Variants in FAM120A observed in about 807,000 individuals in gnomAD.
FAM120A encodes the protein family with sequence similarity 120 member A.
Under a neutral mutation model 109.7 loss-of-function variants are expected in FAM120A, and 15 were observed. That is an observed-to-expected ratio of 0.14 (90% confidence interval 0.09 to 0.21). The LOEUF is 0.21. Ranked by LOEUF, FAM120A falls within the 10% of genes least tolerant of loss-of-function variation. The pLI is 1.00. For synonymous variants in FAM120A, 493 were observed against 572.8 expected (o/e 0.86, Z 1.99); for missense variants, 899 against 1,439.3 (o/e 0.62, Z 6.07).
At chr9:93,505,943 T>C (rs1348091590) in intron 5 of FAM120A, among the ~76,000 whole-genome samples, 2 of 152,242 alleles carry the variant, frequency 1.3e-5, no homozygotes, top group African/African-American at 4.8e-5. Context: ...GTGGAGAACC[T>C]GTTGCCTTAG....
chr9:93,482,183 C>CTTTT (rs1858842770), intron 3 of FAM120A, among the ~76,000 whole-genome samples: 1 of 116,908 alleles, frequency 8.6e-6, no homozygotes. Context: ...GATTCACCTC[C>CTTTT]ATTTTTTTTT....
chr9:93,529,931 A>T (rs1412892440), intron 9 of FAM120A: 1 of 502,570 alleles, frequency 2.0e-6, no homozygotes, highest in Non-Finnish European at 3.5e-6. Context: ...GTCAGGTTTA[A>T]TTCTGATGTC....
At chr9:93,481,778 C>T (rs1046042718) in intron 3 of FAM120A, among the ~76,000 whole-genome samples, 3 of 152,154 alleles carry the variant, frequency 2.0e-5, no homozygotes, top group African/African-American at 7.2e-5. Flanking sequence ...ACTGCAGTTC[C>T]CAGTCTTTTT....
At chr9:93,466,972 A>G (rs1858052554) in intron 1 of FAM120A, among the ~76,000 whole-genome samples, 1 of 152,164 alleles carries the variant, frequency 6.6e-6, no homozygotes, top group Admixed American at 6.5e-5. Flanking sequence ...GTACTCAGGC[A>G]GTTCCTTTTC....
chr9:93,538,948 G>T (rs1233887566), intron 10 of FAM120A, among the ~76,000 whole-genome samples: 1 of 151,728 alleles, frequency 6.6e-6, no homozygotes, highest in East Asian at 1.9e-4. Context: ...GGTGCTTTCT[G>T]TAAGGAAAAT....
chr9:93,543,304 C>T lies in FAM120A; in HGVS notation c.1992C>T (p.Phe664=), dbSNP rs1251421886. The T allele has an allele frequency of 5.0e-6, 8 of 1,614,068 alleles. No individual in the cohort carries two copies. In the Admixed American group the frequency reaches 6.7e-5, roughly 13 times the overall value. Residue 664 remains phenylalanine, a synonymous_variant, in exon 11 of 18, where the codon TTC becomes TTT. Transcript: ENST00000277165. ...QTPELVEALA[F]REWTCPNLKR... is the part of the protein sequence containing the mutation. ...CGGAACTGGTTGAAGCTCTTGCCTTCAGGGAGTGGACCTGCCCCAACCTGA... is the reference window on the plus strand; with the variant it reads ...CGGAACTGGTTGAAGCTCTTGCCTTTAGGGAGTGGACCTGCCCCAACCTGA...
chr9:93,504,164 T>C (rs957749776), intron 5 of FAM120A, among the ~76,000 whole-genome samples: 11 of 151,924 alleles, frequency 7.2e-5, no homozygotes, highest in African/African-American at 2.7e-4. Flanking sequence ...GGAGGTGGCA[T>C]GTGAGAGGTC....
chr9:93,543,831 C>T (rs1861791676), intron 11 of FAM120A, among the ~76,000 whole-genome samples: 1 of 152,138 alleles, frequency 6.6e-6, no homozygotes, highest in East Asian at 1.9e-4. Context: ...AAATGTGCCA[C>T]TTCTTCCCCC....
At chr9:93,563,804 G>A (rs112166098) in intron 17 of FAM120A, among the ~76,000 whole-genome samples, 2,695 of 152,312 alleles carry the variant, frequency 0.018, 73 homozygotes, top group African/African-American at 0.061. Context: ...AGCAATGACT[G>A]TATTTCCCCA....
intron 11 of FAM120A, among the ~76,000 whole-genome samples, chr9:93,548,240 A>G (rs1461243566): frequency 6.6e-6 from 1 of 152,004 alleles, no homozygotes; most frequent in African/African-American, 2.4e-5. Flanking sequence ...AGTAGCTGGG[A>G]CTACAGGTGC....
rs1462714505 is a variant in FAM120A at position 93,497,459 on chromosome 9, T to C, written c.805-12T>C. 6.2e-7 allele frequency: 1 copy of C among 1,611,472 alleles called. No homozygotes were observed. Among genetic ancestry groups the C allele is most frequent in the East Asian group, 2.2e-5 (1 of 44,858 alleles). On this transcript the variant is annotated splice_polypyrimidine_tract_variant and intron_variant, in intron 3 of 17. Coordinates refer to ENST00000277165, the MANE Select transcript of FAM120A (RefSeq NM_014612.5). ...CACCATCCACTGTTGACACTTACGT[T>C]TGTTTTCTCAGGTCCGGGCCCACCA...
intron 1 of FAM120A, among the ~76,000 whole-genome samples, chr9:93,469,274 C>T (rs1012278481): frequency 2.0e-5 from 3 of 152,200 alleles, no homozygotes; most frequent in Non-Finnish European, 4.4e-5. Context: ...TGGGCTCTCA[C>T]CTCCTTTTAG....
chr9:93,471,739 T>C (rs1177868044), intron 2 of FAM120A, among the ~76,000 whole-genome samples: 1 of 152,216 alleles, frequency 6.6e-6, no homozygotes. Context: ...AAATTATGTT[T>C]ATAGTAGAAG....
rs1029979985 is a variant in FAM120A at position 93,513,649 on chromosome 9, C to T, written c.1031-2018C>T. The stretch of plus-strand genomic sequence containing the variant: ...GAAGGGCTATGGTGTTTAAAGCTTG[C>T]GAGCTGAAGGCCCTTGGAAGGCAGG... On this transcript the variant is annotated intron_variant, in intron 5 of 17. Coordinates refer to ENST00000277165, the MANE Select transcript of FAM120A (RefSeq NM_014612.5). 4.6e-5 allele frequency among the ~76,000 whole-genome samples: 7 copies of T among 152,146 alleles called. No individual in the cohort carries two copies. In the South Asian group the frequency reaches 6.2e-4, roughly 14 times the overall value.
At chr9:93,497,674 G>A in intron 4 of FAM120A, 75 bp downstream of exon 4, 2 of 1,495,894 alleles carry the variant, frequency 1.3e-6, no homozygotes, top group Non-Finnish European at 1.8e-6. Context: ...GGCCAGGTTT[G>A]GAAGAAGGGG....
In FAM120A at chr9:93,451,891, C is replaced by A; in HGVS notation, c.-25C>A. ...CGGCCCCGCCGCCCCCCGCCCGCAC[C>A]CGCGCCCGCGCCCCCGCCGCCGCCA... On this transcript the variant is annotated 5_prime_UTR_variant, in exon 1 of 18. Coordinates refer to ENST00000277165, the MANE Select transcript of FAM120A (RefSeq NM_014612.5). 15 of 1,247,392 alleles carry A rather than the reference C, an allele frequency of 1.2e-5. No individual in the cohort carries two copies. The highest frequency in any genetic ancestry group is 1.5e-5 in the Non-Finnish European group (15 of 999,388). The allele number at this position is 1,247,392 out of a possible 1,614,324, so 77.3% of individuals were successfully genotyped here.
At chr9:93,563,980 G>T (rs569420231) in intron 17 of FAM120A, among the ~76,000 whole-genome samples, 3 of 152,200 alleles carry the variant, frequency 2.0e-5, no homozygotes, top group Non-Finnish European at 4.4e-5. Flanking sequence ...AGCTCCTGAA[G>T]GGGGAATCTC....
At chr9:93,525,624 A>G (rs989979076) in intron 7 of FAM120A, among the ~76,000 whole-genome samples, 1 of 152,120 alleles carries the variant, frequency 6.6e-6, no homozygotes, top group African/African-American at 2.4e-5. Context: ...CAGCTTGCTG[A>G]CTCATGCATC....
chr9:93,535,764 C>T (rs1234036600), intron 10 of FAM120A, among the ~76,000 whole-genome samples: 2 of 152,150 alleles, frequency 1.3e-5, no homozygotes, highest in African/African-American at 4.8e-5. Context: ...CACCAGCTCT[C>T]CAGAAGGGAA....
Sources: allele counts gnomAD v4.1 joint callset (sites outside exome capture counted in the v4.1 genomes callset), GRCh38; gene constraint gnomAD v4.1.1; transcripts MANE v1.5; gene names NCBI Gene and HGNC (gene_info 2026-07-23, HGNC 2026-07-21).